MIPOL1: variants seen among roughly 807,000 people sequenced by gnomAD.
MIPOL1 encodes the protein mirror-image polydactyly 1, also known as mirror-image polydactyly gene 1 protein.
In MIPOL1, 57 loss-of-function variants were observed where a neutral mutation model predicts 60.9. The ratio of observed to expected loss-of-function variants is 0.94; its 90% CI spans 0.76 to 1.17. MIPOL1 has a LOEUF of 1.17. MIPOL1 is among the 50% of genes most tolerant of loss of function. The pLI, the probability that MIPOL1 is intolerant of heterozygous loss-of-function variation, is 0.00. For synonymous variants in MIPOL1, 179 were observed against 168.8 expected, an observed-to-expected ratio of 1.06 and a Z score of -0.47; for missense variants, 551 against 511.6, an observed-to-expected ratio of 1.08 and a Z score of -0.74.
intron 9 of MIPOL1, among the ~76,000 whole-genome samples, chr14:37,355,756 A>G (rs1348353161): frequency 1.3e-5 from 2 of 149,910 alleles, no homozygotes; most frequent in African/African-American, 2.5e-5. Flanking sequence ...TTTCAGCTCC[A>G]TCAGCTGCTT....
At chr14:37,527,915 A>G (rs2095457507) in intron 12 of MIPOL1, among the ~76,000 whole-genome samples, 1 of 152,046 alleles carries the variant, frequency 6.6e-6, no homozygotes, top group South Asian at 2.1e-4. Flanking sequence ...TGTCAGGCTC[A>G]TAAGATCCTA....
At chr14:37,324,942 A>C (rs1265360743) in intron 9 of MIPOL1, among the ~76,000 whole-genome samples, 2 of 152,114 alleles carry the variant, frequency 1.3e-5, no homozygotes, top group African/African-American at 4.8e-5. Context: ...TGCATTAATT[A>C]CTGTAAATTT....
chr14:37,266,878 G>T (rs184785216), intron 3 of MIPOL1, 60 bp from the exon 4 acceptor site: 2 of 1,110,058 alleles, frequency 1.8e-6, no homozygotes, highest in African/African-American at 1.6e-5. Flanking sequence ...TTGACTGAAT[G>T]ATTTAATATG....
At chr14:37,260,243 A>G (rs2082426510) in intron 3 of MIPOL1, among the ~76,000 whole-genome samples, 1 of 150,152 alleles carries the variant, frequency 6.7e-6, no homozygotes, top group Non-Finnish European at 1.5e-5. Flanking sequence ...TCTCATCTAA[A>G]AAAAAAAAAA....
At chr14:37,303,673 C>T (rs2086525752) in intron 7 of MIPOL1, among the ~76,000 whole-genome samples, 1 of 151,808 alleles carries the variant, frequency 6.6e-6, no homozygotes, top group African/African-American at 2.4e-5. Flanking sequence ...AAAAGGAATG[C>T]ATTCAATTCT....
chr14:37,484,988 C>A (rs2094925721), intron 11 of MIPOL1, among the ~76,000 whole-genome samples: 1 of 152,110 alleles, frequency 6.6e-6, no homozygotes, highest in Non-Finnish European at 1.5e-5. Context: ...ATGCTATCCT[C>A]CCCTTCCCCT....
At chr14:37,520,139 G>C (rs2095402528) in intron 12 of MIPOL1, among the ~76,000 whole-genome samples, 1 of 152,104 alleles carries the variant, frequency 6.6e-6, no homozygotes, top group Non-Finnish European at 1.5e-5. Flanking sequence ...AGCTTAATAA[G>C]TTGAATATTA....
intron 11 of MIPOL1, among the ~76,000 whole-genome samples, chr14:37,468,508 A>G (rs954158017): frequency 6.6e-6 from 1 of 152,202 alleles, no homozygotes; most frequent in African/African-American, 2.4e-5. Flanking sequence ...TTGGTTAACG[A>G]TAGACTAGTC....
At chr14:37,439,080 G>A (rs1330307875) in intron 11 of MIPOL1, among the ~76,000 whole-genome samples, 1 of 152,192 alleles carries the variant, frequency 6.6e-6, no homozygotes, top group Non-Finnish European at 1.5e-5. Context: ...CAGAGGATAA[G>A]ATGCAATTGC....
chr14:37,373,248 C>T (rs112136022), intron 10 of MIPOL1, among the ~76,000 whole-genome samples: 1,874 of 152,252 alleles, frequency 0.012, 13 homozygotes, highest in Middle Eastern at 0.031. Flanking sequence ...AGTGATCTGC[C>T]TGCCTCAGCC....
chr14:37,340,176 C>T (rs1476671490), intron 9 of MIPOL1, among the ~76,000 whole-genome samples: 2 of 151,840 alleles, frequency 1.3e-5, no homozygotes. Flanking sequence ...GCCTCCCTTG[C>T]TTTACTGTAT....
chr14:37,388,499 T>C (rs2093140165), intron 10 of MIPOL1, among the ~76,000 whole-genome samples: 2 of 151,420 alleles, frequency 1.3e-5, no homozygotes, highest in South Asian at 4.1e-4. Context: ...TTTTTTTTTT[T>C]TTTACTTTTT....
rs1044643721 is a variant in MIPOL1 at position 37,526,087 on chromosome 14, A to C, written c.1263-20818A>C. 2.0e-5 allele frequency among the ~76,000 whole-genome samples: 3 copies of C among 152,298 alleles called. No homozygotes were observed. The South Asian group carries it at 6.2e-4, about 32-fold the overall frequency. On this transcript the variant is annotated intron_variant, in intron 12 of 12. Transcript: ENST00000684589. ...ACGTTGTTAAAATTATAGAGACAGA[A>C]GAATCACCAAAAATGTGATAGATAA...
intron 3 of MIPOL1, among the ~76,000 whole-genome samples, chr14:37,266,399 G>A (rs1441676311): frequency 6.6e-6 from 1 of 152,118 alleles, no homozygotes; most frequent in Admixed American, 6.6e-5. Flanking sequence ...GCTGGCATTA[G>A]TATAATGAAA....
At chr14:37,432,464 G>T (rs1214983884) in intron 11 of MIPOL1, among the ~76,000 whole-genome samples, 1 of 152,146 alleles carries the variant, frequency 6.6e-6, no homozygotes, top group Non-Finnish European at 1.5e-5. Context: ...CATATAATAA[G>T]AACTCATTGA....
intron 12 of MIPOL1, among the ~76,000 whole-genome samples, chr14:37,520,260 A>C (rs2095403443): frequency 6.6e-6 from 1 of 152,148 alleles, no homozygotes; most frequent in South Asian, 2.1e-4. Context: ...AACTTGAGTA[A>C]GGTTGATTTG....
Position 37,308,046 on chromosome 14 carries a change from T to G in MIPOL1, c.624-10T>G. The G allele has an allele frequency of 6.2e-7, 1 of 1,606,518 alleles. No homozygotes were observed. The highest frequency in any genetic ancestry group is 8.5e-7 in the Non-Finnish European group (1 of 1,175,718). On this transcript the variant is annotated splice_polypyrimidine_tract_variant and intron_variant, in intron 7 of 12. Transcript: ENST00000684589. ...CTACTGATCAGGCTTTCTGTGTCCC[T>G]TTTTTCTAGGCTAGAAAATATTAAC...
rs188905658 is a variant in MIPOL1 at position 37,219,352 on chromosome 14, G to C, written c.-199+21248G>C. ...CCTCATTAAAGTTTGGTCAAGGCAA[G>C]ATCCTTTTTATTTATTTTTTATGTT... On this transcript the variant is annotated intron_variant, in intron 1 of 12. Transcript: ENST00000684589. 1.8e-3 allele frequency among the ~76,000 whole-genome samples: 269 copies of C among 152,248 alleles called. 1 individual carries two copies. The highest frequency in any genetic ancestry group is 6.1e-3 in the African/African-American group (252 of 41,546).
At chr14:37,439,860 A>G (rs2094214780) in intron 11 of MIPOL1, among the ~76,000 whole-genome samples, 1 of 152,142 alleles carries the variant, frequency 6.6e-6, no homozygotes, top group Admixed American at 6.6e-5. Flanking sequence ...ATTTTATTTA[A>G]TGAATTTATT....
Sources: gnomAD v4.1 joint callset for allele counts (sites outside exome capture counted in the v4.1 genomes callset) on GRCh38, gnomAD v4.1.1 for gene constraint, MANE v1.5 for transcripts, NCBI Gene and HGNC (gene_info 2026-07-23, HGNC 2026-07-21) for gene names.